The following USP34 variants were observed in gnomAD, a reference collection of about 807,000 sequenced individuals.
The protein encoded by USP34 is ubiquitin specific peptidase 34, also known as ubiquitin carboxyl-terminal hydrolase 34.
In USP34, 70 loss-of-function variants were observed where a neutral mutation model predicts 460.3. The ratio of observed to expected loss-of-function variants is 0.15; its 90% CI spans 0.13 to 0.19. The LOEUF is 0.19. Among genes scored for constraint, USP34 ranks in the 10% least tolerant of loss-of-function variants. USP34 has a pLI of 1.00. For synonymous variants in USP34, 1,647 were observed against 1,405.3 expected (o/e 1.17, Z -3.85); for missense variants, 3,985 against 4,236.2 (o/e 0.94, Z 1.65).
chr2:61,218,049 A>G (rs1219030512), intron 67 of USP34, among the ~76,000 whole-genome samples: 3 of 152,068 alleles, frequency 2.0e-5, no homozygotes, highest in Non-Finnish European at 4.4e-5. Context: ...ACTGCCTTTC[A>G]TAAGAATAAT....
intron 75 of USP34, chr2:61,194,040 T>A: frequency 1.2e-6 from 1 of 815,048 alleles, no homozygotes; most frequent in South Asian, 5.6e-5. Context: ...TATTCTTAGC[T>A]AGCAGGTAGC....
At chr2:61,269,622 G>C (rs893787245) in intron 41 of USP34, among the ~76,000 whole-genome samples, 1 of 151,944 alleles carries the variant, frequency 6.6e-6, no homozygotes, top group African/African-American at 2.4e-5. Context: ...AATCTTTGAG[G>C]AGACACCTAG....
At chr2:61,456,071 G>C (rs1425313637) in intron 1 of USP34, among the ~76,000 whole-genome samples, 1 of 152,142 alleles carries the variant, frequency 6.6e-6, no homozygotes, top group African/African-American at 2.4e-5. Flanking sequence ...CCAGCATACA[G>C]GAGAATGCTT....
chr2:61,265,700 A>G, intron 42 of USP34, 143 bp from the exon 43 acceptor site: 2 of 779,384 alleles, frequency 2.6e-6, no homozygotes, highest in East Asian at 3.3e-5. Flanking sequence ...TAAATAAAAA[A>G]AAATACAGAT....
intron 16 of USP34, among the ~76,000 whole-genome samples, chr2:61,341,396 C>T (rs1691593565): frequency 6.6e-6 from 1 of 152,014 alleles, no homozygotes; most frequent in Non-Finnish European, 1.5e-5. Context: ...ATGTTTTGTC[C>T]CCTCCAAATC....
chr2:61,416,633 T>C (rs1573019712), intron 2 of USP34, among the ~76,000 whole-genome samples: 1 of 152,188 alleles, frequency 6.6e-6, no homozygotes, highest in East Asian at 1.9e-4. Context: ...TTGTCATACA[T>C]GATATTCCTT....
At chr2:61,345,139 T>A (rs1052472636) in intron 15 of USP34, among the ~76,000 whole-genome samples, 1 of 152,012 alleles carries the variant, frequency 6.6e-6, no homozygotes, top group African/African-American at 2.4e-5. Flanking sequence ...TGGGGCATGG[T>A]GGTGCATACC....
chr2:61,428,621 A>G (rs1042410933), intron 1 of USP34, among the ~76,000 whole-genome samples: 5 of 152,266 alleles, frequency 3.3e-5, no homozygotes, highest in Non-Finnish European at 7.3e-5. Flanking sequence ...TGGAAATACA[A>G]AAGACAAAGC....
At chr2:61,260,862 A>G (rs1247076088) in intron 43 of USP34, among the ~76,000 whole-genome samples, 1 of 152,214 alleles carries the variant, frequency 6.6e-6, no homozygotes, top group East Asian at 1.9e-4. Flanking sequence ...GAGTTGGCTA[A>G]AGAGCTGCCT....
chr2:61,308,191 C>G (rs932659092), intron 27 of USP34, among the ~76,000 whole-genome samples: 2 of 152,148 alleles, frequency 1.3e-5, no homozygotes, highest in South Asian at 4.1e-4. Flanking sequence ...ATGGGACAAA[C>G]AGAAAATATT....
At position 61,192,888 on chromosome 2, in the gene USP34, T is replaced by A. The variant is rs746063447; in HGVS notation, c.9588+13A>T. The A allele has an allele frequency of 6.2e-7, 1 of 1,609,958 alleles. No individual in the cohort carries two copies. The highest frequency in any genetic ancestry group is 1.3e-5 in the African/African-American group (1 of 74,908). The stretch of plus-strand genomic sequence containing the variant: ...AGATTAAAGACCAATCATCTAAAAC[T>A]CATTTTCTTTACCTGAGTCTGGCAT... On this transcript the variant is annotated intron_variant, in intron 76 of 79. Transcript: ENST00000398571.
At position 61,284,889 on chromosome 2, in the gene USP34, A is replaced by T. The variant is rs1689642381; in HGVS notation, c.4818T>A (p.Asp1606Glu). Residue 1606 changes from aspartate to glutamate, a missense_variant, in exon 35 of 80, where the codon GAT becomes GAA. By Grantham distance (45) the Asp-to-Glu change is conservative. Coordinates refer to ENST00000398571, the MANE Select transcript of USP34 (RefSeq NM_014709.4). ...AAAATGCATACCTAGGAGCCAGATT[A>T]TCATACGTATAAGCAACAGACATAA... The part of the protein sequence containing the change: ...QRLMSVAYTY[D>E]NLAPRVLKAQ... 1 of 1,609,662 alleles carries T rather than the reference A, an allele frequency of 6.2e-7. No homozygotes were observed. Among genetic ancestry groups the T allele is most frequent in the African/African-American group, 1.3e-5 (1 of 74,854 alleles).
At chr2:61,409,519 GC>G (rs1375954655) in intron 2 of USP34, among the ~76,000 whole-genome samples, 1 of 152,110 alleles carries the variant, frequency 6.6e-6, no homozygotes, top group Non-Finnish European at 1.5e-5. Flanking sequence ...TTCGAGACCA[GC>G]CTGGCCAACA....
At chr2:61,269,325 T>G (rs1305894414) in intron 41 of USP34, among the ~76,000 whole-genome samples, 1 of 27,748 alleles carries the variant, frequency 3.6e-5, no homozygotes, top group East Asian at 1.6e-3. Context: ...CTTGGCTAAT[T>G]TTTTTTTTTT....
At chr2:61,322,614 C>A (rs1200053393) in intron 21 of USP34, among the ~76,000 whole-genome samples, 3 of 152,172 alleles carry the variant, frequency 2.0e-5, no homozygotes, top group Non-Finnish European at 4.4e-5. Context: ...AAAGAAATTT[C>A]TTTTATTGGG....
At chr2:61,327,325 A>C (rs892635692) in intron 20 of USP34, among the ~76,000 whole-genome samples, 2 of 152,176 alleles carry the variant, frequency 1.3e-5, no homozygotes, top group African/African-American at 4.8e-5. Context: ...GAAAGTGAAA[A>C]TACATATGAC....
At chr2:61,324,142 A>T (rs895384988) in intron 21 of USP34, among the ~76,000 whole-genome samples, 1 of 152,222 alleles carries the variant, frequency 6.6e-6, no homozygotes, top group Non-Finnish European at 1.5e-5. Context: ...ACACAGAAAA[A>T]GAAGAATGTA....
Position 61,383,677 on chromosome 2 carries a change from G to A in USP34, c.754-341C>T, listed in dbSNP as rs575526350. ...AGAGGATGTGGTGAGCCGAGATTGT[G>A]CCACTGCACTCCAGCCTGGGCAACG... is the stretch of plus-strand genomic sequence containing the variant. On this transcript the variant is annotated intron_variant, in intron 5 of 79. Transcript: ENST00000398571. Among the ~76,000 whole-genome samples the A allele has an allele frequency of 3.0e-3, 454 of 152,232 alleles. 3 individuals carry two copies. The highest frequency in any genetic ancestry group is 0.01 in the African/African-American group (427 of 41,554).
chr2:61,288,446 A>G (rs2067548), intron 34 of USP34, among the ~76,000 whole-genome samples: 19,607 of 152,218 alleles, frequency 0.13, 1,441 homozygotes, highest in African/African-American at 0.16. Flanking sequence ...AGTTCAAATA[A>G]TAAATTCAGT....
Sources: allele counts gnomAD v4.1 joint callset (sites outside exome capture counted in the v4.1 genomes callset), GRCh38; gene constraint gnomAD v4.1.1; transcripts MANE v1.5; gene names NCBI Gene and HGNC (gene_info 2026-07-23, HGNC 2026-07-21).